The following CTNNA3 variants were observed in gnomAD, a reference collection of about 807,000 sequenced individuals.
The protein encoded by CTNNA3 is catenin alpha-3.
Under a neutral mutation model 95.7 loss-of-function variants are expected in CTNNA3, and 76 were observed. That is an observed-to-expected ratio of 0.79 (90% CI 0.66 to 0.96). The LOEUF is 0.96. Among genes scored for constraint, CTNNA3 ranks in the 40% least tolerant of loss-of-function variants. The pLI is 0.00. For synonymous variants in CTNNA3, 431 were observed against 374.4 expected (o/e 1.15, Z -1.74); for missense variants, 1,191 against 1,089.8 (o/e 1.09, Z -1.31).
At chr10:67,362,573 C>G (rs750520941) in intron 5 of CTNNA3, among the ~76,000 whole-genome samples, 3 of 151,832 alleles carry the variant, frequency 2.0e-5, no homozygotes, top group Admixed American at 6.6e-5. Flanking sequence ...ATCCAAAATC[C>G]CTTCATGTTA....
At chr10:66,711,684 G>C (rs1290883886) in intron 9 of CTNNA3, among the ~76,000 whole-genome samples, 2 of 151,946 alleles carry the variant, frequency 1.3e-5, no homozygotes, top group Admixed American at 6.6e-5. Context: ...GAGTAGCTGG[G>C]ATTATAGGCG....
chr10:67,472,877 AC>A (rs1220804102), intron 5 of CTNNA3, among the ~76,000 whole-genome samples: 2 of 152,160 alleles, frequency 1.3e-5, no homozygotes, highest in Non-Finnish European at 2.9e-5. Flanking sequence ...TCACCTTGCA[AC>A]ATCTCCACCT....
At chr10:66,930,826 A>G (rs1387623907) in intron 7 of CTNNA3, among the ~76,000 whole-genome samples, 1 of 152,168 alleles carries the variant, frequency 6.6e-6, no homozygotes, top group Admixed American at 6.5e-5. Flanking sequence ...AACGAAAATA[A>G]AATCCCTTAG....
At chr10:67,449,986 A>G (rs1004827781) in intron 5 of CTNNA3, among the ~76,000 whole-genome samples, 1 of 152,168 alleles carries the variant, frequency 6.6e-6, no homozygotes, top group African/African-American at 2.4e-5. Flanking sequence ...TGGACAAAAG[A>G]CATGAACAGG....
Position 67,180,382 on chromosome 10 carries a change from T to C in CTNNA3, c.982A>G (p.Ile328Val), listed in dbSNP as rs374713975. ...CGAATGGCGTTGCATTCTGCGATAA[T>C]CCGCTCTCGGTGTAAGTCCCTCGTA... ...SCTRDLHRER[I>V]IAECNAIRQA... The change falls in exon 7 of 18, where the codon ATT (isoleucine) becomes GTT (valine). Residue 328 changes from isoleucine to valine, a missense_variant. Physicochemically the swap from Ile to Val is conservative, Grantham distance 29. Coordinates refer to ENST00000433211, the MANE Select transcript of CTNNA3 (RefSeq NM_013266.4). 1.3e-5 allele frequency: 21 copies of C among 1,613,706 alleles called. No individual in the cohort carries two copies. In the African/African-American group the frequency reaches 2.7e-4, roughly 21 times the overall value.
In CTNNA3 at chr10:66,937,015, T is replaced by C. The variant is rs80191871; in HGVS notation, c.1048-161491A>G. On this transcript the variant is annotated intron_variant, in intron 7 of 17. Coordinates refer to ENST00000433211, the MANE Select transcript of CTNNA3 (RefSeq NM_013266.4). ...GATTCCTCAGTATTTTTCTCAAACA[T>C]GAGTTTGGGCCTTTCCAAAGGAGCC... Among the ~76,000 whole-genome samples, 3,210 of 152,250 alleles carry C rather than the reference T, an allele frequency of 0.021. 225 individuals carry two copies. In the East Asian group the frequency reaches 0.26, roughly 12 times the overall value.
chr10:66,548,925 GA>G (rs1564526401), intron 10 of CTNNA3, among the ~76,000 whole-genome samples: 1 of 149,912 alleles, frequency 6.7e-6, no homozygotes, highest in Non-Finnish European at 1.5e-5. Context: ...TTTTATAATG[GA>G]AAGGTTTTGC....
At chr10:67,359,362 C>T (rs1421795900) in intron 5 of CTNNA3, among the ~76,000 whole-genome samples, 1 of 151,942 alleles carries the variant, frequency 6.6e-6, no homozygotes, top group Non-Finnish European at 1.5e-5. Flanking sequence ...GATCACACTA[C>T]CTACCCAGCA....
intron 13 of CTNNA3, among the ~76,000 whole-genome samples, chr10:66,192,062 C>T (rs1392359998): frequency 6.6e-6 from 1 of 152,116 alleles, no homozygotes; most frequent in Non-Finnish European, 1.5e-5. Context: ...TTAGATTTTC[C>T]AGCCTCCAGA....
intron 15 of CTNNA3, among the ~76,000 whole-genome samples, chr10:66,061,869 A>G (rs184911851): frequency 2.0e-5 from 3 of 152,244 alleles, no homozygotes; most frequent in Admixed American, 2.0e-4. Flanking sequence ...CAGATTGAAC[A>G]TTTAACAGTT....
chr10:67,702,367 T>G (rs967673365), intron 1 of CTNNA3, among the ~76,000 whole-genome samples: 8 of 152,076 alleles, frequency 5.3e-5, no homozygotes, highest in African/African-American at 1.7e-4. Flanking sequence ...ATTGACCACA[T>G]AGTTGGAAGT....
At chr10:66,813,750 C>T (rs1841970613) in intron 7 of CTNNA3, among the ~76,000 whole-genome samples, 1 of 152,002 alleles carries the variant, frequency 6.6e-6, no homozygotes, top group South Asian at 2.1e-4. Context: ...AAATAAAAAT[C>T]ACCTTTTTAA....
At chr10:66,731,708 T>G (rs1848965579) in intron 9 of CTNNA3, among the ~76,000 whole-genome samples, 1 of 152,178 alleles carries the variant, frequency 6.6e-6, no homozygotes, top group Non-Finnish European at 1.5e-5. Context: ...ATCCAATCAC[T>G]TTATCATGGT....
At chr10:66,182,121 C>T (rs1487199602) in intron 13 of CTNNA3, among the ~76,000 whole-genome samples, 1 of 152,168 alleles carries the variant, frequency 6.6e-6, no homozygotes, top group Admixed American at 6.5e-5. Context: ...CATACTTAAT[C>T]CTTGATTTTA....
chr10:65,989,703 A>C (rs77362539), intron 15 of CTNNA3, among the ~76,000 whole-genome samples: 3,967 of 152,234 alleles, frequency 0.026, 157 homozygotes, highest in African/African-American at 0.09. Context: ...GTCAAGTATT[A>C]TTTCTATTTG....
chr10:66,472,616 G>C (rs964120339), intron 11 of CTNNA3, among the ~76,000 whole-genome samples: 18 of 151,832 alleles, frequency 1.2e-4, no homozygotes, highest in African/African-American at 4.4e-4. Context: ...ACAAAATTGA[G>C]ATAAAGTCTC....
intron 1 of CTNNA3, among the ~76,000 whole-genome samples, chr10:67,754,054 G>A (rs1278609470): frequency 6.6e-6 from 1 of 152,124 alleles, no homozygotes; most frequent in Non-Finnish European, 1.5e-5. Context: ...GCAAAGACAT[G>A]GAATCAACCC....
chr10:66,738,850 T>C (rs1311363417), intron 9 of CTNNA3, among the ~76,000 whole-genome samples: 2 of 152,210 alleles, frequency 1.3e-5, no homozygotes, highest in Non-Finnish European at 2.9e-5. Flanking sequence ...AATTATTTTC[T>C]TCTATTTCCC....
intron 13 of CTNNA3, among the ~76,000 whole-genome samples, chr10:66,177,837 C>T (rs1427589478): frequency 6.6e-6 from 1 of 151,692 alleles, no homozygotes; most frequent in Non-Finnish European, 1.5e-5. Flanking sequence ...GTAAACATTC[C>T]AACTATTTGT....
Sources: gnomAD v4.1 joint callset for allele counts (sites outside exome capture counted in the v4.1 genomes callset) on GRCh38, gnomAD v4.1.1 for gene constraint, MANE v1.5 for transcripts, NCBI Gene and HGNC (gene_info 2026-07-23, HGNC 2026-07-21) for gene names.